The following ETV1 variants were observed in gnomAD, a reference collection of about 807,000 sequenced individuals.
ETV1 encodes the protein ETS variant transcription factor 1.
Under a neutral mutation model 62.3 loss-of-function variants are expected in ETV1, and 27 were observed. The observed-to-expected ratio is 0.43, with a 90% CI of 0.32 to 0.60. The LOEUF (loss-of-function observed/expected upper bound fraction) is 0.60. Among genes scored for constraint, ETV1 ranks in the 20% least tolerant of loss-of-function variants. ETV1 has a pLI of 0.06. For synonymous variants in ETV1, 222 were observed against 199.6 expected (o/e 1.11, Z -0.94); for missense variants, 605 against 605.8 (o/e 1.00, Z 0.01).
rs1009203013 is a variant in ETV1 at position 13,891,626 on chromosome 7, C to G, written c.*4240G>C. The G allele has an allele frequency of 4.3e-6, 1 of 231,508 alleles. No individual in the cohort carries two copies. The highest frequency in any genetic ancestry group is 2.2e-5 in the African/African-American group (1 of 45,192). 14.3% of individuals were successfully genotyped at this position (231,508 alleles called of 1,614,324 possible). ...TCTCATGTATATAAAAAAAGAAGTC[C>G]TAAAAGTACTAGTTGAGCTCTGAAT... On this transcript the variant is annotated 3_prime_UTR_variant, in exon 14 of 14. Transcript: ENST00000430479.
chr7:13,935,980 A>C, intron 7 of ETV1, 84 bp from the exon 8 acceptor site: 2 of 1,104,970 alleles, frequency 1.8e-6, no homozygotes, highest in Non-Finnish European at 2.6e-6. Context: ...GGAAGAAAAG[A>C]TATTTTAGAC....
chr7:13,914,185 G>C (rs960505218), intron 9 of ETV1, among the ~76,000 whole-genome samples: 1 of 151,834 alleles, frequency 6.6e-6, no homozygotes, highest in Non-Finnish European at 1.5e-5. Context: ...GCGCCCGGCC[G>C]GGGGTACCTC....
intron 7 of ETV1, among the ~76,000 whole-genome samples, chr7:13,936,709 A>T (rs1786840841): frequency 6.6e-6 from 1 of 152,018 alleles, no homozygotes; most frequent in Admixed American, 6.6e-5. Context: ...ATTTTCTTAA[A>T]TTTTTTTTAA....
chr7:13,988,412 T>C, intron 3 of ETV1: 3 of 580,720 alleles, frequency 5.2e-6, no homozygotes, highest in South Asian at 4.6e-5. Context: ...CTTAGCACAT[T>C]ACTATTTATC....
chr7:13,961,661 T>G (rs902024841), intron 6 of ETV1, among the ~76,000 whole-genome samples: 1 of 152,304 alleles, frequency 6.6e-6, no homozygotes, highest in African/African-American at 2.4e-5. Context: ...GAAGCAATTT[T>G]GTTAGACCCA....
intron 9 of ETV1, among the ~76,000 whole-genome samples, chr7:13,914,090 G>A (rs915307793): frequency 1.3e-5 from 2 of 151,460 alleles, no homozygotes; most frequent in Non-Finnish European, 2.9e-5. Flanking sequence ...TCACCATGTT[G>A]ACCAGGCTGG....
intron 9 of ETV1, among the ~76,000 whole-genome samples, chr7:13,913,933 G>A (rs1198003317): frequency 1.5e-5 from 2 of 132,988 alleles, no homozygotes; most frequent in East Asian, 2.2e-4. Flanking sequence ...CGCCCAGGCT[G>A]GAGTGCAGTG....
intron 1 of ETV1, 39 bp from the exon 2 acceptor site, chr7:13,989,503 T>C: frequency 2.5e-6 from 1 of 402,114 alleles, no homozygotes; most frequent in Non-Finnish European, 4.4e-6. Flanking sequence ...AGGATAGTTT[T>C]TGCGACCCAC....
At chr7:13,977,015 A>G (rs894965708) in intron 6 of ETV1, among the ~76,000 whole-genome samples, 7 of 152,228 alleles carry the variant, frequency 4.6e-5, no homozygotes, top group Non-Finnish European at 8.8e-5. Context: ...AAATTATACA[A>G]TAACTAATCT....
At chr7:13,982,179 T>A (rs1307590254) in intron 5 of ETV1, among the ~76,000 whole-genome samples, 1 of 152,118 alleles carries the variant, frequency 6.6e-6, no homozygotes, top group Non-Finnish European at 1.5e-5. Flanking sequence ...CTGCAGTAAC[T>A]TGAAAACTTA....
intron 6 of ETV1, among the ~76,000 whole-genome samples, chr7:13,964,491 G>A (rs753520685): frequency 6.6e-6 from 1 of 151,940 alleles, no homozygotes; most frequent in Non-Finnish European, 1.5e-5. Context: ...ACTTGGTATT[G>A]GTTTATAGAT....
chr7:13,970,488 C>A (rs977997231), intron 6 of ETV1, among the ~76,000 whole-genome samples: 1 of 151,718 alleles, frequency 6.6e-6, no homozygotes, highest in African/African-American at 2.4e-5. Context: ...AAATATGCCT[C>A]AAAAAAAGTT....
At chr7:13,925,680 C>T (rs1785335595) in intron 9 of ETV1, among the ~76,000 whole-genome samples, 1 of 151,928 alleles carries the variant, frequency 6.6e-6, no homozygotes, top group Admixed American at 6.6e-5. Flanking sequence ...ATTCTCCTGC[C>T]TCAGCCTCCA....
At chr7:13,954,749 T>C (rs1286195940) in intron 6 of ETV1, among the ~76,000 whole-genome samples, 2 of 152,206 alleles carry the variant, frequency 1.3e-5, no homozygotes, top group East Asian at 3.9e-4. Flanking sequence ...TGCAGCATTC[T>C]GATGTCACCC....
intron 9 of ETV1, among the ~76,000 whole-genome samples, chr7:13,925,448 C>A (rs1476215798): frequency 6.6e-6 from 1 of 152,180 alleles, no homozygotes; most frequent in African/African-American, 2.4e-5. Flanking sequence ...TAGACACAAA[C>A]CAATAGAAAG....
At chr7:13,982,499 G>A (rs1267712996) in intron 5 of ETV1, among the ~76,000 whole-genome samples, 1 of 151,912 alleles carries the variant, frequency 6.6e-6, no homozygotes, top group African/African-American at 2.4e-5. Context: ...CAATTCCAAT[G>A]AATGTTTAGA....
intron 6 of ETV1, among the ~76,000 whole-genome samples, chr7:13,975,415 G>A (rs1377413028): frequency 2.6e-5 from 4 of 151,858 alleles, no homozygotes; most frequent in Admixed American, 6.6e-5. Context: ...GAGTGATGGC[G>A]GATGCCTGTA....
At chr7:13,984,571 G>A (rs1425878177) in intron 5 of ETV1, among the ~76,000 whole-genome samples, 2 of 151,772 alleles carry the variant, frequency 1.3e-5, no homozygotes, top group African/African-American at 2.4e-5. Context: ...TACTTACATC[G>A]TGATTAGATA....
intron 13 of ETV1, 53 bp downstream of exon 13, chr7:13,900,685 T>G: frequency 4.0e-6 from 5 of 1,245,390 alleles, no homozygotes; most frequent in Admixed American, 2.1e-5. Context: ...AGTATGATGT[T>G]CAGATTAATG....
Sources: allele counts gnomAD v4.1 joint callset (sites outside exome capture counted in the v4.1 genomes callset), GRCh38; gene constraint gnomAD v4.1.1; transcripts MANE v1.5; gene names NCBI Gene and HGNC (gene_info 2026-07-23, HGNC 2026-07-21).